Variants in SESTD1 observed in about 807,000 individuals in gnomAD.
SESTD1 encodes SEC14 and spectrin domain containing 1, also known as SEC14 domain and spectrin repeat-containing protein 1.
SESTD1 carries 43 observed loss-of-function variants against 101.7 expected under a neutral mutation model. That is an observed-to-expected ratio of 0.42 (90% CI 0.33 to 0.55). SESTD1 has a LOEUF of 0.55. Ranked by LOEUF, SESTD1 falls within the 20% of genes least tolerant of loss-of-function variation. SESTD1 has a pLI of 0.07. For synonymous variants in SESTD1, 283 were observed against 286.8 expected (o/e 0.99, Z 0.13); for missense variants, 647 against 815.1 (o/e 0.79, Z 2.51).
rs2044378390 is a variant in SESTD1 at position 179,106,176 on chromosome 2, A to T, written c.*3723T>A. On this transcript the variant is annotated 3_prime_UTR_variant, in exon 18 of 18. Transcript: ENST00000428443. Reference sequence around the variant, plus strand: ...AATTTTTCCTTTGGGGGCTTAAGCAAAGATATCCTAATCATACAGATCTCA... The same window carrying T: ...AATTTTTCCTTTGGGGGCTTAAGCATAGATATCCTAATCATACAGATCTCA... 1 of 152,194 alleles carries T rather than the reference A, an allele frequency of 6.6e-6. No individual in the cohort carries two copies. The highest frequency in any genetic ancestry group is 2.4e-5 in the African/African-American group (1 of 41,450). The allele number at this position is 152,194 out of a possible 1,614,324, so 9.4% of individuals were successfully genotyped here.
intron 1 of SESTD1, among the ~76,000 whole-genome samples, chr2:179,225,070 T>A (rs921137936): frequency 2.0e-5 from 3 of 152,140 alleles, no homozygotes; most frequent in African/African-American, 7.2e-5. Context: ...AGGGTAGTCT[T>A]GTGGGACTCA....
chr2:179,194,037 C>G (rs780173704), intron 1 of SESTD1, among the ~76,000 whole-genome samples: 5 of 152,208 alleles, frequency 3.3e-5, no homozygotes, highest in Non-Finnish European at 5.9e-5. Flanking sequence ...ACTATATTCT[C>G]TGGCCCCACT....
chr2:179,253,589 AG>A (rs1352896752), intron 1 of SESTD1, among the ~76,000 whole-genome samples: 1 of 152,248 alleles, frequency 6.6e-6, no homozygotes, highest in Non-Finnish European at 1.5e-5. Context: ...AAGTAAAAAA[AG>A]TAAGGTACAG....
At chr2:179,185,710 T>TATATAATATAGCATATTATATATA (rs1404422743) in intron 2 of SESTD1, among the ~76,000 whole-genome samples, 3 of 121,224 alleles carry the variant, frequency 2.5e-5, no homozygotes, top group Admixed American at 1.8e-4. Flanking sequence ...TTATATACAA[T>TATATAATATAGCATATTATATATA]ATATAATATA....
chr2:179,246,643 T>C (rs2047235840), intron 1 of SESTD1, among the ~76,000 whole-genome samples: 1 of 152,114 alleles, frequency 6.6e-6, no homozygotes, highest in African/African-American at 2.4e-5. Flanking sequence ...GAATATAAAT[T>C]TCTCCCCAAA....
In SESTD1 at chr2:179,204,116, A is replaced by G. The variant is rs771495760; in HGVS notation, c.-25-12250T>C. Among the ~76,000 whole-genome samples the G allele has an allele frequency of 9.7e-5, 13 of 133,844 alleles. 2 individuals are homozygous for G. Among genetic ancestry groups the G allele is most frequent in the Non-Finnish European group, 1.6e-4 (10 of 62,492 alleles). 87.8% of individuals were successfully genotyped at this position (133,844 alleles called of 152,430 possible). On this transcript the variant is annotated intron_variant, in intron 1 of 17. Coordinates refer to ENST00000428443, the MANE Select transcript of SESTD1 (RefSeq NM_178123.5). ...ATATTGTCATTGAAAAGTTTCATAT[A>G]TATATATACACACACATACACGTGT...
At chr2:179,145,751 G>T (rs933971182) in intron 8 of SESTD1, among the ~76,000 whole-genome samples, 1 of 152,182 alleles carries the variant, frequency 6.6e-6, no homozygotes, top group African/African-American at 2.4e-5. Context: ...ATAGTTACTT[G>T]ATCTTCGGCA....
At chr2:179,138,950 C>G (rs2045218115) in intron 9 of SESTD1, among the ~76,000 whole-genome samples, 1 of 150,834 alleles carries the variant, frequency 6.6e-6, no homozygotes, top group Non-Finnish European at 1.5e-5. Flanking sequence ...ATATCAGAGG[C>G]TCATCGCCCT....
At chr2:179,257,650 A>C (rs1245644597) in intron 1 of SESTD1, among the ~76,000 whole-genome samples, 1 of 152,240 alleles carries the variant, frequency 6.6e-6, no homozygotes, top group Non-Finnish European at 1.5e-5. Context: ...TAACAAACTA[A>C]AGATAAAGGC....
rs1018719336 is a variant in SESTD1, at chr2:179,213,289, T to C, written c.-25-21423A>G. Among the ~76,000 whole-genome samples, 5 of 134,272 alleles carry C rather than the reference T, an allele frequency of 3.7e-5. 1 individual carries two copies. Among genetic ancestry groups the C allele is most frequent in the Non-Finnish European group, 8.0e-5 (5 of 62,588 alleles). The allele number at this position is 134,272 out of a possible 152,430, so 88.1% of individuals were successfully genotyped here. ...AAATGGCTAATTAGAATAAACAGTATAGAGAAGACCTTAAGTGACCTGATG... is the reference window on the plus strand; with the variant it reads ...AAATGGCTAATTAGAATAAACAGTACAGAGAAGACCTTAAGTGACCTGATG... On this transcript the variant is annotated intron_variant, in intron 1 of 17. Coordinates refer to ENST00000428443, the MANE Select transcript of SESTD1 (RefSeq NM_178123.5).
chr2:179,190,168 A>C (rs2046299709), intron 2 of SESTD1, among the ~76,000 whole-genome samples: 2 of 152,330 alleles, frequency 1.3e-5, no homozygotes, highest in South Asian at 2.1e-4. Flanking sequence ...AGGCTGCAGT[A>C]AACAAAACAG....
chr2:179,199,252 C>T (rs1424606653), intron 1 of SESTD1, among the ~76,000 whole-genome samples: 1 of 151,734 alleles, frequency 6.6e-6, no homozygotes, highest in Non-Finnish European at 1.5e-5. Flanking sequence ...AAGACTAAAC[C>T]AGGAAGAAGT....
At chr2:179,134,541 T>C (rs1261305688) in intron 9 of SESTD1, among the ~76,000 whole-genome samples, 1 of 152,204 alleles carries the variant, frequency 6.6e-6, no homozygotes, top group African/African-American at 2.4e-5. Context: ...ATAGGATGTT[T>C]CCAATTTCCA....
At chr2:179,145,466 A>C (rs1414406310) in intron 8 of SESTD1, among the ~76,000 whole-genome samples, 3 of 152,260 alleles carry the variant, frequency 2.0e-5, no homozygotes, top group African/African-American at 7.2e-5. Context: ...GTGCTCAGAC[A>C]GTATGTGGCA....
chr2:179,206,292 T>A (rs1433963387), intron 1 of SESTD1, among the ~76,000 whole-genome samples: 1 of 135,978 alleles, frequency 7.4e-6, no homozygotes, highest in Non-Finnish European at 1.6e-5. Flanking sequence ...AGTGGCTTGC[T>A]GCTGCAAACA....
At chr2:179,217,912 T>C (rs553637351) in intron 1 of SESTD1, among the ~76,000 whole-genome samples, 59 of 150,532 alleles carry the variant, frequency 3.9e-4, no homozygotes, top group African/African-American at 1.3e-3. Context: ...TTCTCACTCA[T>C]AGGTGGAAAC....
intron 1 of SESTD1, among the ~76,000 whole-genome samples, chr2:179,199,202 T>C (rs2046458292): frequency 1.3e-5 from 2 of 151,976 alleles, no homozygotes; most frequent in Non-Finnish European, 2.9e-5. Context: ...CTAGAAAATC[T>C]AGAAGAAATG....
intron 15 of SESTD1, 33 bp from the exon 16 acceptor site, chr2:179,115,289 A>G: frequency 2.0e-6 from 3 of 1,506,392 alleles, no homozygotes; most frequent in South Asian, 2.6e-5. Flanking sequence ...AAATTGTAAT[A>G]AAAGAATTCT....
rs1171581506 is a variant in SESTD1, at chr2:179,212,840, T to C, written c.-25-20974A>G. ...GCTGTTCTGCAGCCTCCGCTGGTGA[T>C]ACCCAGGCAAACAGGGTCTGGAGTG... On this transcript the variant is annotated intron_variant, in intron 1 of 17. Transcript: ENST00000428443. 4.5e-5 allele frequency among the ~76,000 whole-genome samples: 6 copies of C among 134,788 alleles called. 1 individual carries two copies. Among genetic ancestry groups the C allele is most frequent in the African/African-American group, 1.8e-4 (6 of 34,020 alleles). The allele number at this position is 134,788 out of a possible 152,430, so 88.4% of individuals were successfully genotyped here.
Sources: allele counts gnomAD v4.1 joint callset (sites outside exome capture counted in the v4.1 genomes callset), GRCh38; gene constraint gnomAD v4.1.1; transcripts MANE v1.5; gene names NCBI Gene and HGNC (gene_info 2026-07-23, HGNC 2026-07-21).